The following PRKN variants were observed in gnomAD, a reference collection of about 807,000 sequenced individuals.
PRKN encodes the protein parkin RBR E3 ubiquitin protein ligase.
PRKN carries 56 observed loss-of-function variants against 59.5 expected under a neutral mutation model. The observed-to-expected ratio is 0.94, with a 90% confidence interval of 0.76 to 1.18. The LOEUF (loss-of-function observed/expected upper bound fraction) is 1.18, where lower values mean the gene tolerates loss of function less well. Among genes scored for constraint, PRKN ranks in the 50% most tolerant of loss-of-function variants. The pLI, the probability that PRKN is intolerant of heterozygous loss-of-function variation, is 0.00. For synonymous variants in PRKN, 250 were observed against 222.1 expected, an observed-to-expected ratio of 1.13 and a Z score of -1.12; for missense variants, 657 against 596.4, an observed-to-expected ratio of 1.10 and a Z score of -1.06.
chr6:162,161,498 A>C (rs1782756862), intron 4 of PRKN, among the ~76,000 whole-genome samples: 1 of 152,222 alleles, frequency 6.6e-6, no homozygotes, highest in Non-Finnish European at 1.5e-5. Context: ...ATAAGTTTGG[A>C]AGTGTGCAGC....
At position 162,060,807 on chromosome 6, in the gene PRKN, T is replaced by C. The variant is rs537714914; in HGVS notation, c.535-6633A>G. Among the ~76,000 whole-genome samples the C allele has an allele frequency of 1.1e-4, 17 of 152,316 alleles. No homozygotes were observed. In the South Asian group the frequency reaches 1.7e-3, roughly 15 times the overall value. ...AATAGAAAACCATGGCATTTACAGT[T>C]TTTGAAAAATGTTATTTAATAGTAA... is the stretch of plus-strand genomic sequence containing the variant. On this transcript the variant is annotated intron_variant, in intron 4 of 11. Transcript: ENST00000366898.
intron 1 of PRKN, among the ~76,000 whole-genome samples, chr6:162,507,150 T>C (rs1280181997): frequency 1.3e-5 from 2 of 152,138 alleles, no homozygotes; most frequent in African/African-American, 4.8e-5. Flanking sequence ...TTTCCATCCA[T>C]TCCTCTTTCC....
chr6:162,315,291 A>G (rs1782705400), intron 2 of PRKN, among the ~76,000 whole-genome samples: 1 of 152,180 alleles, frequency 6.6e-6, no homozygotes, highest in South Asian at 2.1e-4. Context: ...TAGTTATTGA[A>G]GTGGCTTAAT....
At chr6:162,201,273 G>T (rs574023342) in intron 3 of PRKN, 21 bp from the exon 4 acceptor site, 2 of 1,612,494 alleles carry the variant, frequency 1.2e-6, no homozygotes, top group East Asian at 4.5e-5. Flanking sequence ...AAAAGCAGAA[G>T]AAGTGGCTAA....
At chr6:162,240,941 C>A (rs1269985666) in intron 3 of PRKN, among the ~76,000 whole-genome samples, 1 of 152,166 alleles carries the variant, frequency 6.6e-6, no homozygotes, top group Non-Finnish European at 1.5e-5. Flanking sequence ...GTGAAAGAAT[C>A]ACTGTGGTGA....
At chr6:162,656,496 C>A (rs1396505436) in intron 1 of PRKN, among the ~76,000 whole-genome samples, 1 of 152,130 alleles carries the variant, frequency 6.6e-6, no homozygotes. Context: ...CATACTTGAA[C>A]CTCTCTTTCA....
intron 1 of PRKN, among the ~76,000 whole-genome samples, chr6:162,524,530 G>A (rs1355475260): frequency 1.3e-5 from 2 of 152,166 alleles, no homozygotes; most frequent in Non-Finnish European, 2.9e-5. Flanking sequence ...GTTTGGAGAA[G>A]AGCAATTTAC....
chr6:162,328,454 A>G (rs748744499), intron 2 of PRKN, among the ~76,000 whole-genome samples: 4 of 152,164 alleles, frequency 2.6e-5, no homozygotes, highest in Non-Finnish European at 5.9e-5. Context: ...CCTTTCCTTC[A>G]CAGTAATTCA....
intron 9 of PRKN, among the ~76,000 whole-genome samples, chr6:161,474,383 G>A (rs768641135): frequency 2.0e-5 from 3 of 152,272 alleles, no homozygotes; most frequent in East Asian, 1.9e-4. Context: ...ACAGGAGTCC[G>A]TGGAGCTTGT....
At chr6:161,815,122 T>C (rs781473564) in intron 6 of PRKN, among the ~76,000 whole-genome samples, 2 of 152,240 alleles carry the variant, frequency 1.3e-5, no homozygotes, top group Non-Finnish European at 2.9e-5. Flanking sequence ...AATTCATTGC[T>C]GCAGCCAGGT....
At chr6:161,500,001 T>C (rs1445853861) in intron 9 of PRKN, among the ~76,000 whole-genome samples, 1 of 152,180 alleles carries the variant, frequency 6.6e-6, no homozygotes, top group Non-Finnish European at 1.5e-5. Context: ...GTTCATGCAG[T>C]GTCTTTGCCA....
chr6:161,826,541 C>T (rs1020417422), intron 6 of PRKN, among the ~76,000 whole-genome samples: 4 of 152,142 alleles, frequency 2.6e-5, no homozygotes, highest in African/African-American at 7.2e-5. Context: ...CGTCTGCACC[C>T]GTGTTTTATC....
chr6:162,285,120 G>A (rs1781121588), intron 2 of PRKN, among the ~76,000 whole-genome samples: 1 of 152,120 alleles, frequency 6.6e-6, no homozygotes, highest in Non-Finnish European at 1.5e-5. Flanking sequence ...CTTTGGAATT[G>A]TGAGAAAATA....
At chr6:162,555,700 A>G (rs952988655) in intron 1 of PRKN, among the ~76,000 whole-genome samples, 10 of 152,130 alleles carry the variant, frequency 6.6e-5, no homozygotes, top group Non-Finnish European at 1.5e-4. Flanking sequence ...TAAAGTTTCT[A>G]AAGAATGAAT....
intron 7 of PRKN, among the ~76,000 whole-genome samples, chr6:161,620,555 A>C (rs1782859486): frequency 6.6e-6 from 1 of 152,202 alleles, no homozygotes; most frequent in Non-Finnish European, 1.5e-5. Flanking sequence ...AGAGGGAAGA[A>C]ACCACTACTA....
intron 2 of PRKN, among the ~76,000 whole-genome samples, chr6:162,323,029 C>T (rs1250505057): frequency 1.5e-5 from 2 of 132,000 alleles, no homozygotes; most frequent in East Asian, 4.5e-4. Flanking sequence ...AATGAGATCA[C>T]ATGGACACAG....
chr6:161,578,136 T>C lies in PRKN; in HGVS notation c.872-8720A>G, dbSNP rs372421634. ...TGAGCAGAGAGCAACCAAAGAGGTA[T>C]AAAAAAAGAAAAAGAGGAGGTGGCT... On this transcript the variant is annotated intron_variant, in intron 7 of 11. Transcript: ENST00000366898. The surrounding 1 kb of genome is among the most constrained non-coding windows in gnomAD (Gnocchi z 4.2). Among the ~76,000 whole-genome samples the C allele has an allele frequency of 1.1e-4, 16 of 151,508 alleles. No homozygotes were observed. In the South Asian group the frequency reaches 3.3e-3, roughly 32 times the overall value.
In PRKN at chr6:161,447,660, A is replaced by AT. The variant is rs1691733771; in HGVS notation, c.1084-60784dup. ...AGGCATGCACCACCATGCCTGGCTAATTTTTTGTATTTTTAGTAGACACAG... is the reference window on the plus strand; with the variant it reads ...AGGCATGCACCACCATGCCTGGCTAATTTTTTTGTATTTTTAGTAGACACAG... On this transcript the variant is annotated intron_variant, in intron 9 of 11. Transcript: ENST00000366898. The surrounding 1 kb of genome is among the most constrained non-coding windows in gnomAD (Gnocchi z 4.1). Among the ~76,000 whole-genome samples, 1 of 151,864 alleles carries AT rather than the reference A, an allele frequency of 6.6e-6. No individual in the cohort carries two copies. Among genetic ancestry groups the AT allele is most frequent in the Non-Finnish European group, 1.5e-5 (1 of 67,996 alleles).
In PRKN at chr6:161,874,582, A is replaced by C. The variant is rs1294843065; in HGVS notation, c.735-88674T>G. ...TATATATAAAATATATATTATGTAA[A>C]ATATATATTGTATGTAAAATATATA... On this transcript the variant is annotated intron_variant, in intron 6 of 11. Transcript: ENST00000366898. Among the ~76,000 whole-genome samples, 119 of 110,978 alleles carry C rather than the reference A, an allele frequency of 1.1e-3. 4 individuals carry two copies. The highest frequency in any genetic ancestry group is 4.2e-3 in the African/African-American group (114 of 27,086). 72.8% of individuals were successfully genotyped at this position (110,978 alleles called of 152,430 possible).
Sources: allele counts gnomAD v4.1 joint callset (sites outside exome capture counted in the v4.1 genomes callset), GRCh38; gene constraint gnomAD v4.1.1; non-coding constraint Gnocchi (gnomAD v3.1); transcripts MANE v1.5; gene names NCBI Gene and HGNC (gene_info 2026-07-23, HGNC 2026-07-21).